Variants in RGS6 observed in about 807,000 individuals in gnomAD.
The protein encoded by RGS6 is regulator of G-protein signaling 6.
In RGS6, 30 loss-of-function variants were observed where a neutral mutation model predicts 78.5. The ratio of observed to expected loss-of-function variants is 0.38; its 90% CI spans 0.29 to 0.52. The LOEUF is 0.52. Among genes scored for constraint, RGS6 ranks in the 20% least tolerant of loss-of-function variants. The probability of loss-of-function intolerance (pLI) is 0.85; values close to 1 mark genes in which losing one functional copy is unlikely to be tolerated. For missense variants in RGS6, 495 were observed against 609.7 expected (o/e 0.81, Z 1.98); for synonymous variants, 206 against 206.0 (o/e 1.00, Z 0.00).
chr14:72,507,358 A>G (rs2096821169), intron 13 of RGS6, among the ~76,000 whole-genome samples: 1 of 152,200 alleles, frequency 6.6e-6, no homozygotes, highest in South Asian at 2.1e-4. Flanking sequence ...GGCCCTGTCA[A>G]CACCTTGATT....
At chr14:71,972,045 G>A (rs569671481) in intron 2 of RGS6, among the ~76,000 whole-genome samples, 1 of 151,012 alleles carries the variant, frequency 6.6e-6, no homozygotes, top group Admixed American at 6.7e-5. Flanking sequence ...TAGGGTACAT[G>A]TGCACAACGT....
chr14:72,361,686 T>C (rs2152793430), intron 3 of RGS6, among the ~76,000 whole-genome samples: 1 of 152,318 alleles, frequency 6.6e-6, no homozygotes, highest in South Asian at 2.1e-4. Context: ...TTGAAATCAC[T>C]ACTGGGGGAG....
intron 2 of RGS6, among the ~76,000 whole-genome samples, chr14:72,157,596 A>G (rs1220526006): frequency 6.6e-6 from 1 of 152,160 alleles, no homozygotes; most frequent in African/African-American, 2.4e-5. Context: ...AAATTACAAG[A>G]TATTTTCAGG....
intron 2 of RGS6, among the ~76,000 whole-genome samples, chr14:72,081,401 T>C (rs1051443456): frequency 4.6e-5 from 7 of 152,124 alleles, no homozygotes; most frequent in African/African-American, 7.2e-5. Context: ...TTTTATTTGA[T>C]TGAGATGCTT....
chr14:72,208,135 A>G (rs529322520), intron 2 of RGS6, among the ~76,000 whole-genome samples: 1 of 152,366 alleles, frequency 6.6e-6, no homozygotes, highest in East Asian at 1.9e-4. Flanking sequence ...AAGAGAACAC[A>G]AAACCCGATT....
At chr14:72,614,891 T>G in the RGS6 span, among the ~76,000 whole-genome samples, 5 of 151,488 alleles carry the variant, frequency 3.3e-5, no homozygotes, top group Non-Finnish European at 1.5e-5. Flanking sequence ...CCACCAGAGA[T>G]CCTCACCCCT....
chr14:72,137,397 C>T (rs74909072), intron 2 of RGS6, among the ~76,000 whole-genome samples: 7,639 of 152,284 alleles, frequency 0.05, 221 homozygotes, highest in Non-Finnish European at 0.069. Context: ...TAGTTTGGCC[C>T]GGTTCTAACA....
chr14:72,495,280 G>A lies in RGS6; in HGVS notation c.965+18G>A. 6 of 1,471,130 alleles carry A rather than the reference G, an allele frequency of 4.1e-6. No homozygotes were observed. Among genetic ancestry groups the A allele is most frequent in the Non-Finnish European group, 5.7e-6 (6 of 1,049,342 alleles). The allele number at this position is 1,471,130 out of a possible 1,614,324, so 91.1% of individuals were successfully genotyped here. A position where few individuals can be genotyped will look rare whatever the true frequency, so the allele number is the denominator to read the frequency against. ...GAGATGAGGTAAAAAATGTTTTAAG[G>A]TTTGGGAGTGGGATGAATGTAGACA... On this transcript the variant is annotated intron_variant, in intron 13 of 17. Coordinates refer to ENST00000553525, the MANE Select transcript of RGS6 (RefSeq NM_001204424.2).
chr14:72,026,530 T>C (rs1394056579), intron 2 of RGS6, among the ~76,000 whole-genome samples: 1 of 152,230 alleles, frequency 6.6e-6, no homozygotes, highest in Non-Finnish European at 1.5e-5. Context: ...AATCCTTACT[T>C]CAGCCCATCA....
At chr14:72,547,449 A>C in intron 17 of RGS6, 5 of 833,700 alleles carry the variant, frequency 6.0e-6, no homozygotes, top group Non-Finnish European at 9.5e-6. Context: ...CCCCTTTTAA[A>C]ATAGTGATGA....
intron 2 of RGS6, among the ~76,000 whole-genome samples, chr14:72,193,473 A>G (rs916581513): frequency 6.6e-6 from 1 of 152,142 alleles, no homozygotes; most frequent in East Asian, 1.9e-4. Flanking sequence ...CATTCAACCC[A>G]TATTTACTGA....
intron 2 of RGS6, among the ~76,000 whole-genome samples, chr14:72,195,090 C>T (rs1163119492): frequency 1.3e-5 from 2 of 152,052 alleles, no homozygotes; most frequent in Admixed American, 1.3e-4. Context: ...CACCTGTAAT[C>T]ACAGTTACTC....
At chr14:72,126,128 A>T (rs2096185520) in intron 2 of RGS6, among the ~76,000 whole-genome samples, 1 of 152,234 alleles carries the variant, frequency 6.6e-6, no homozygotes. Context: ...GCTACTACTT[A>T]GATACTTTGA....
chr14:72,016,258 G>A (rs1260186801), intron 2 of RGS6, among the ~76,000 whole-genome samples: 2 of 152,078 alleles, frequency 1.3e-5, no homozygotes, highest in Non-Finnish European at 2.9e-5. Flanking sequence ...TTTCCATATG[G>A]ATGTCCAGTT....
intron 3 of RGS6, among the ~76,000 whole-genome samples, chr14:72,433,919 T>C (rs564874367): frequency 1.7e-4 from 26 of 152,346 alleles, no homozygotes; most frequent in African/African-American, 5.8e-4. Context: ...GCCTAGCAAA[T>C]AGTAAGCCCT....
intron 3 of RGS6, among the ~76,000 whole-genome samples, chr14:72,397,933 T>G (rs553157792): frequency 7.0e-4 from 107 of 152,336 alleles, no homozygotes; most frequent in Non-Finnish European, 1.2e-3. Context: ...CTTTTTGATG[T>G]GCTGCTGGAT....
intron 2 of RGS6, among the ~76,000 whole-genome samples, chr14:72,027,217 A>AGAGAGAGAG (rs1555440277): frequency 2.0e-5 from 3 of 148,948 alleles, no homozygotes; most frequent in African/African-American, 7.4e-5. Flanking sequence ...CCTCTGCTTT[A>AGAGAGAGAG]AGAGAGAGAG....
chr14:72,478,157 G>A (rs2096284037), intron 11 of RGS6, 111 bp from the exon 12 acceptor site: 1 of 734,778 alleles, frequency 1.4e-6, no homozygotes, highest in South Asian at 1.7e-5. Context: ...GAGATGTCTG[G>A]CCAGAGGAGG....
downstream of RGS6, chr14:72,566,663 AC>A (rs1159005053): frequency 6.9e-6 from 1 of 144,526 alleles, no homozygotes; most frequent in Non-Finnish European, 1.5e-5. Context: ...ACACACACAC[AC>A]ACACACACAC....
Sources: allele counts gnomAD v4.1 joint callset (sites outside exome capture counted in the v4.1 genomes callset), GRCh38; gene constraint gnomAD v4.1.1; transcripts MANE v1.5; gene names NCBI Gene and HGNC (gene_info 2026-07-23, HGNC 2026-07-21).